The following ABLIM1 variants were observed in gnomAD, a reference collection of about 807,000 sequenced individuals.
ABLIM1 encodes actin binding LIM protein 1.
A neutral mutation model predicts 107.0 loss-of-function variants in ABLIM1; 40 were observed. The ratio of observed to expected loss-of-function variants is 0.37; its 90% CI spans 0.29 to 0.49. ABLIM1 has a LOEUF of 0.49. Ranked by LOEUF, ABLIM1 falls within the 20% of genes least tolerant of loss-of-function variation. The pLI is 0.97. For missense variants in ABLIM1, 857 were observed against 1,008.5 expected, an observed-to-expected ratio of 0.85 and a Z score of 2.04; for synonymous variants, 357 against 357.3, an observed-to-expected ratio of 1.00 and a Z score of 0.01.
intron 6 of ABLIM1, among the ~76,000 whole-genome samples, chr10:114,515,965 T>C (rs1270604798): frequency 6.6e-6 from 1 of 152,218 alleles, no homozygotes; most frequent in Non-Finnish European, 1.5e-5. Flanking sequence ...AAATTAAATT[T>C]GTCTTTTTTA....
At chr10:114,775,900 A>G in the ABLIM1 span, 30 of 152,374 alleles carry the variant, frequency 2.0e-4, no homozygotes, top group African/African-American at 7.0e-4. Flanking sequence ...TGGAATGCCA[A>G]ACTCCTGATG....
chr10:114,479,172 T>G (rs1244281862), intron 8 of ABLIM1, among the ~76,000 whole-genome samples: 4 of 152,142 alleles, frequency 2.6e-5, no homozygotes, highest in African/African-American at 9.7e-5. Context: ...TGTCACAGGG[T>G]TAAATGAGAG....
In ABLIM1 at chr10:114,626,230, G is replaced by A. The variant is rs569381751; in HGVS notation, c.245-24269C>T. Among the ~76,000 whole-genome samples the A allele has an allele frequency of 2.0e-5, 3 of 152,272 alleles. No individual in the cohort carries two copies. In the South Asian group the frequency reaches 6.2e-4, roughly 32 times the overall value. On this transcript the variant is annotated intron_variant, in intron 1 of 22. Transcript: ENST00000533213. The stretch of plus-strand genomic sequence containing the variant: ...AGCTGCCAAGAACAAGGCTGCAGTG[G>A]CTTTTGGATGTGGCAGGAAGGGGCT...
chr10:114,769,957 C>A (rs918671039), upstream of ABLIM1, among the ~76,000 whole-genome samples: 1 of 152,142 alleles, frequency 6.6e-6, no homozygotes, highest in African/African-American at 2.4e-5. Context: ...CAACTCTCCT[C>A]TCCCACTATC....
rs75048957 is a variant in ABLIM1 at position 114,473,822 on chromosome 10, T to C, written c.1119+57A>G. On this transcript the variant is annotated intron_variant, in intron 9 of 22. Coordinates refer to ENST00000533213, the MANE Select transcript of ABLIM1 (RefSeq NM_002313.7). ...TTGTTTTGGATTACCCATTCTGCTATTACAATCCACTAATTTACCTGTCCC... is the reference window on the plus strand; with the variant it reads ...TTGTTTTGGATTACCCATTCTGCTACTACAATCCACTAATTTACCTGTCCC... 6.9e-4 allele frequency: 956 copies of C among 1,383,042 alleles called. 10 individuals are homozygous for C. The African/African-American group carries it at 0.012, about 17-fold the overall frequency. The allele number at this position is 1,383,042 out of a possible 1,614,324, so 85.7% of individuals were successfully genotyped here.
At chr10:114,479,979 C>T (rs1256334103) in intron 8 of ABLIM1, among the ~76,000 whole-genome samples, 1 of 152,172 alleles carries the variant, frequency 6.6e-6, no homozygotes, top group African/African-American at 2.4e-5. Flanking sequence ...AGCTGTTCTC[C>T]AACACATTAA....
At chr10:114,775,569 A>G in the ABLIM1 span, among the ~76,000 whole-genome samples, 50 of 152,352 alleles carry the variant, frequency 3.3e-4, no homozygotes, top group Non-Finnish European at 6.6e-4. Flanking sequence ...AGTGTTCTGC[A>G]GATGAATCTA....
At chr10:114,446,016 C>G (rs1158118898) in intron 15 of ABLIM1, among the ~76,000 whole-genome samples, 1 of 152,242 alleles carries the variant, frequency 6.6e-6, no homozygotes, top group Non-Finnish European at 1.5e-5. Flanking sequence ...AACTAATCCT[C>G]CTGCCTTGGC....
chr10:114,443,611 C>T lies in ABLIM1; in HGVS notation c.1933+418G>A, dbSNP rs189407652. Among the ~76,000 whole-genome samples the T allele has an allele frequency of 4.2e-3, 631 of 150,022 alleles. 6 individuals carry two copies. The highest frequency in any genetic ancestry group is 0.015 in the African/African-American group (604 of 40,692). The stretch of plus-strand genomic sequence containing the variant: ...TACAGGCATGAGCCACCGCACCCGG[C>T]CTCTATTGAAGATATTAATGTAAAA... On this transcript the variant is annotated intron_variant, in intron 17 of 22. Transcript: ENST00000533213.
intron 2 of ABLIM1, among the ~76,000 whole-genome samples, chr10:114,580,571 T>C (rs1404163570): frequency 6.6e-6 from 1 of 152,226 alleles, no homozygotes; most frequent in African/African-American, 2.4e-5. Flanking sequence ...CTGTCATTAA[T>C]AAGTTGAATA....
intron 11 of ABLIM1, among the ~76,000 whole-genome samples, chr10:114,466,797 T>C (rs1467781879): frequency 6.6e-6 from 1 of 152,208 alleles, no homozygotes; most frequent in Non-Finnish European, 1.5e-5. Context: ...AATACTTTCA[T>C]AGTACTACTA....
At chr10:114,621,088 G>A (rs972570669) in intron 1 of ABLIM1, among the ~76,000 whole-genome samples, 3 of 152,150 alleles carry the variant, frequency 2.0e-5, no homozygotes, top group Admixed American at 6.5e-5. Flanking sequence ...CCTCAGACAG[G>A]AGGCATACTT....
intron 1 of ABLIM1, among the ~76,000 whole-genome samples, chr10:114,677,315 T>C (rs1162999793): frequency 1.3e-5 from 2 of 152,224 alleles, no homozygotes; most frequent in East Asian, 3.8e-4. Flanking sequence ...GTGTGTATTA[T>C]GACATTGCTG....
At position 114,445,370 on chromosome 10, in the gene ABLIM1, T is replaced by C. The variant is rs41293064; in HGVS notation, c.1769A>G (p.Glu590Gly). 1.8e-5 allele frequency: 29 copies of C among 1,614,142 alleles called. No individual in the cohort carries two copies. The highest frequency in any genetic ancestry group is 2.5e-5 in the Non-Finnish European group (29 of 1,180,000). ...PDMKRRSSGREEDDEELLRRR... is the reference protein window; with the variant it reads ...PDMKRRSSGRGEDDEELLRRR... Reference sequence around the variant, plus strand: ...TCTCAGAAGTTCCTCATCATCTTCCTCTCTGCCACTAGATCTGCGTTTCAT... The same window carrying C: ...TCTCAGAAGTTCCTCATCATCTTCCCCTCTGCCACTAGATCTGCGTTTCAT... The change falls in exon 16 of 23, where the codon GAG (glutamate) becomes GGG (glycine). Residue 590 changes from glutamate (E) to glycine (G), a missense_variant. By Grantham distance (98) the Glu-to-Gly change is moderately conservative (BLOSUM62 -2). Around this residue, in one of 5 missense-constraint regions of ABLIM1, gnomAD observed 103 missense variants for 101.0 expected, o/e 1.02. Transcript: ENST00000533213.
intron 2 of ABLIM1, among the ~76,000 whole-genome samples, chr10:114,590,041 C>A (rs1456158723): frequency 3.9e-5 from 6 of 152,224 alleles, no homozygotes; most frequent in African/African-American, 1.2e-4. Flanking sequence ...TTTTACTATA[C>A]CTGATCTATA....
intron 1 of ABLIM1, among the ~76,000 whole-genome samples, chr10:114,758,664 C>T (rs190212402): frequency 5.1e-4 from 77 of 152,258 alleles, no homozygotes; most frequent in Non-Finnish European, 1.5e-5. Context: ...CCTCGTTTCC[C>T]TTCATTGTTA....
intron 4 of ABLIM1, among the ~76,000 whole-genome samples, chr10:114,552,351 T>C (rs10749170): frequency 0.17 from 25,370 of 152,252 alleles, 2,650 homozygotes; most frequent in East Asian, 0.29. Flanking sequence ...AAGCAGCTGC[T>C]GATAAATATA....
intron 4 of ABLIM1, among the ~76,000 whole-genome samples, chr10:114,556,840 C>A (rs1270052370): frequency 6.6e-6 from 1 of 152,082 alleles, no homozygotes; most frequent in Non-Finnish European, 1.5e-5. Context: ...CAAATGAGTC[C>A]ACAATTTTCT....
Position 114,432,069 on chromosome 10 carries a change from G to C in ABLIM1, c.*4191C>G, listed in dbSNP as rs2058913154. On this transcript the variant is annotated 3_prime_UTR_variant, in exon 23 of 23. Transcript: ENST00000533213. ...CCCTTAAAGTACATCATTGCTATAA[G>C]TTGGTATCACTGCAAATCTCAAGTC... The C allele has an allele frequency of 6.6e-6, 1 of 152,162 alleles. No individual in the cohort carries two copies. The highest frequency in any genetic ancestry group is 2.4e-5 in the African/African-American group (1 of 41,450). The allele number at this position is 152,162 out of a possible 1,614,324, so 9.4% of individuals were successfully genotyped here.
Sources: gnomAD v4.1 joint callset for allele counts (sites outside exome capture counted in the v4.1 genomes callset) on GRCh38, gnomAD v4.1.1 for gene constraint, gnomAD v4.1.1 regional missense constraint, MANE v1.5 for transcripts, NCBI Gene and HGNC (gene_info 2026-07-23, HGNC 2026-07-21) for gene names.